SIRT1: variants seen among roughly 807,000 people sequenced by gnomAD.
SIRT1 encodes sirtuin 1.
A neutral mutation model predicts 67.9 loss-of-function variants in SIRT1; 24 were observed. The observed-to-expected ratio is 0.35, with a 90% confidence interval of 0.26 to 0.50. The LOEUF (loss-of-function observed/expected upper bound fraction) is 0.50. SIRT1 is among the 20% of genes least tolerant of loss of function. The pLI is 0.98. For missense variants in SIRT1, 873 were observed against 937.2 expected, an observed-to-expected ratio of 0.93 and a Z score of 0.89; for synonymous variants, 378 against 350.7, an observed-to-expected ratio of 1.08 and a Z score of -0.87.
At position 67,916,676 on chromosome 10, in the gene SIRT1, C is replaced by T. The variant is rs200896218; in HGVS notation, c.*83C>T. The T allele has an allele frequency of 1.8e-5, 21 of 1,140,310 alleles. No individual in the cohort carries two copies. Among genetic ancestry groups the T allele is most frequent in the African/African-American group, 9.4e-5 (6 of 63,868 alleles). The allele number at this position is 1,140,310 out of a possible 1,614,324, so 70.6% of individuals were successfully genotyped here. On this transcript the variant is annotated 3_prime_UTR_variant, in exon 9 of 9. Transcript: ENST00000212015. ...CAAAATGAATGTTTACTTGTGAACT[C>T]GATAGAGCAAGGAAACCAGAAAGGT... is the stretch of plus-strand genomic sequence containing the variant.
At chr10:67,898,934 T>TA (rs1449061529) in intron 4 of SIRT1, among the ~76,000 whole-genome samples, 2 of 152,186 alleles carry the variant, frequency 1.3e-5, no homozygotes, top group Non-Finnish European at 2.9e-5. Context: ...GAATACTTTT[T>TA]AATGGTTATT....
intron 4 of SIRT1, among the ~76,000 whole-genome samples, chr10:67,901,133 A>C (rs1298172942): frequency 3.9e-5 from 6 of 152,078 alleles, no homozygotes; most frequent in African/African-American, 1.4e-4. Context: ...TAAATACTGC[A>C]TAGAGGTTTA....
chr10:67,908,986 A>G (rs1001352597), intron 6 of SIRT1, among the ~76,000 whole-genome samples: 5 of 152,126 alleles, frequency 3.3e-5, no homozygotes, highest in Admixed American at 3.3e-4. Flanking sequence ...ATATACACAC[A>G]TTATGTTTTT....
chr10:67,894,774 A>G (rs1470388933), intron 4 of SIRT1, among the ~76,000 whole-genome samples: 2 of 152,166 alleles, frequency 1.3e-5, no homozygotes, highest in Middle Eastern at 3.4e-3. Flanking sequence ...CATTGGCGCG[A>G]TCTCGGCTCA....
intron 7 of SIRT1, among the ~76,000 whole-genome samples, chr10:67,911,777 ACCCTCCCT>A (rs544434847): frequency 4.5e-5 from 3 of 66,168 alleles, no homozygotes; most frequent in South Asian, 6.6e-4. Context: ...CCTTCCTCCC[ACCCTCCCT>A]CCCTCCCTCC....
intron 5 of SIRT1, among the ~76,000 whole-genome samples, chr10:67,907,331 C>G (rs1331041183): frequency 6.6e-6 from 1 of 151,878 alleles, no homozygotes. Flanking sequence ...CCCAACTCTA[C>G]TAGAAATACT....
At chr10:67,899,448 A>G (rs931618104) in intron 4 of SIRT1, among the ~76,000 whole-genome samples, 6 of 151,886 alleles carry the variant, frequency 4.0e-5, no homozygotes, top group East Asian at 3.9e-4. Flanking sequence ...GCTGCCCCTA[A>G]TATCTGTCCT....
At position 67,885,048 on chromosome 10, in the gene SIRT1, C is replaced by A; in HGVS notation, c.327C>A (p.Gly109=). The A allele has an allele frequency of 1.4e-6, 2 of 1,424,594 alleles. No individual in the cohort carries two copies. The highest frequency in any genetic ancestry group is 1.5e-5 in the African/African-American group (1 of 67,048). The allele number at this position is 1,424,594 out of a possible 1,614,324, so 88.2% of individuals were successfully genotyped here. A position where few individuals can be genotyped will look rare whatever the true frequency, so the allele number is the denominator to read the frequency against. Residue 109 remains glycine, a synonymous_variant, in exon 1 of 9, where the codon GGC becomes GGA. Transcript: ENST00000212015. ...GEGDNGPGLQ[G]PSREPPLADN... ...GAGACAATGGGCCGGGCCTGCAGGG[C>A]CCATCTCGGGAGCCACCGCTGGCCG...
intron 4 of SIRT1, chr10:67,906,432 A>G: frequency 1.1e-6 from 1 of 887,744 alleles, no homozygotes; most frequent in Non-Finnish European, 1.6e-6. Flanking sequence ...TTTTAGTTTA[A>G]ACTTTCCCAT....
intron 2 of SIRT1, among the ~76,000 whole-genome samples, chr10:67,888,351 A>C (rs1407526781): frequency 6.6e-6 from 1 of 152,096 alleles, no homozygotes; most frequent in Non-Finnish European, 1.5e-5. Context: ...AGCTGGTTTG[A>C]GCAATCTCAG....
chr10:67,891,361 TAGA>T (rs1400161866), intron 3 of SIRT1, 38 bp from the exon 4 acceptor site: 2 of 1,591,748 alleles, frequency 1.3e-6, no homozygotes, highest in Admixed American at 3.4e-5. Flanking sequence ...CCTATAAAGG[TAGA>T]AGATTTAATT....
At chr10:67,886,219 G>GC in intron 1 of SIRT1, among the ~76,000 whole-genome samples, 1 of 151,870 alleles carries the variant, frequency 6.6e-6, no homozygotes, top group Non-Finnish European at 1.5e-5. Context: ...GGGATTACAG[G>GC]CGTGAGCCAC....
chr10:67,909,002 T>A (rs898409660), intron 6 of SIRT1, among the ~76,000 whole-genome samples: 6 of 152,332 alleles, frequency 3.9e-5, no homozygotes, highest in Admixed American at 2.6e-4. Flanking sequence ...TTTTTCCTCT[T>A]AATATATGAT....
chr10:67,898,798 T>C (rs1842698239), intron 4 of SIRT1, among the ~76,000 whole-genome samples: 1 of 152,176 alleles, frequency 6.6e-6, no homozygotes, highest in African/African-American at 2.4e-5. Flanking sequence ...ACCTCACCTC[T>C]GCACACCAGC....
chr10:67,889,149 G>A (rs1321348104), intron 3 of SIRT1, 26 bp downstream of exon 3: 1 of 1,558,802 alleles, frequency 6.4e-7, no homozygotes, highest in South Asian at 1.2e-5. Flanking sequence ...ACATGGGGAG[G>A]TCGTATATGT....
chr10:67,902,681 A>G (rs1222149807), intron 4 of SIRT1, among the ~76,000 whole-genome samples: 2 of 152,142 alleles, frequency 1.3e-5, no homozygotes, highest in Non-Finnish European at 2.9e-5. Context: ...TTTAGGTTCT[A>G]TTTTCTCAGC....
chr10:67,891,743 T>A (rs972438754), intron 4 of SIRT1, among the ~76,000 whole-genome samples, 189 bp downstream of exon 4: 1 of 152,236 alleles, frequency 6.6e-6, no homozygotes, highest in Non-Finnish European at 1.5e-5. Context: ...TACTTCATTT[T>A]AGGAGTGAGC....
At chr10:67,911,531 TATG>T (rs1409220750) in intron 7 of SIRT1, among the ~76,000 whole-genome samples, 2 of 152,084 alleles carry the variant, frequency 1.3e-5, no homozygotes, top group Non-Finnish European at 2.9e-5. Flanking sequence ...TGTGGGATAG[TATG>T]ATGTGTTGCA....
In SIRT1 at chr10:67,906,779, G is replaced by T; in HGVS notation, c.943-11G>T. ...CTAATGTAAATTTTTTCTACCATTTGCTTGATACAGGAAATATATCCTGGA... is the reference window on the plus strand; with the variant it reads ...CTAATGTAAATTTTTTCTACCATTTTCTTGATACAGGAAATATATCCTGGA... On this transcript the variant is annotated splice_polypyrimidine_tract_variant and intron_variant, in intron 4 of 8. Transcript: ENST00000212015. The T allele has an allele frequency of 6.2e-7, 1 of 1,603,188 alleles. No homozygotes were observed. Among genetic ancestry groups the T allele is most frequent in the South Asian group, 1.1e-5 (1 of 88,266 alleles).
Sources: allele counts gnomAD v4.1 joint callset (sites outside exome capture counted in the v4.1 genomes callset), GRCh38; gene constraint gnomAD v4.1.1; transcripts MANE v1.5; gene names NCBI Gene and HGNC (gene_info 2026-07-23, HGNC 2026-07-21).